RNF38: variants seen among roughly 807,000 people sequenced by gnomAD.
RNF38 encodes E3 ubiquitin-protein ligase RNF38.
RNF38 carries 15 observed loss-of-function variants against 67.2 expected under a neutral mutation model. That is an observed-to-expected ratio of 0.22 (90% confidence interval 0.15 to 0.34). The LOEUF (loss-of-function observed/expected upper bound fraction) is 0.34, where lower values mean the gene tolerates loss of function less well. Ranked by LOEUF, RNF38 falls within the 10% of genes least tolerant of loss-of-function variation. The pLI, the probability that RNF38 is intolerant of heterozygous loss-of-function variation, is 1.00. For missense variants in RNF38, 524 were observed against 639.9 expected, an observed-to-expected ratio of 0.82 and a Z score of 1.95; for synonymous variants, 220 against 218.8, an observed-to-expected ratio of 1.01 and a Z score of -0.05.
At chr9:36,401,405 A>G (rs1312877273), upstream of RNF38, among the ~76,000 whole-genome samples, 1 of 152,080 alleles carries the variant, frequency 6.6e-6, no homozygotes, top group African/African-American at 2.4e-5. Flanking sequence ...CTACCTACAA[A>G]ACTCCGCAAT....
chr9:36,377,669 C>G (rs1273607192), intron 2 of RNF38, among the ~76,000 whole-genome samples: 1 of 152,102 alleles, frequency 6.6e-6, no homozygotes, highest in African/African-American at 2.4e-5. Flanking sequence ...GAGACCACTC[C>G]CCCATACCAA....
intron 11 of RNF38, among the ~76,000 whole-genome samples, chr9:36,340,038 G>A (rs1301063732): frequency 6.6e-6 from 1 of 151,940 alleles, no homozygotes; most frequent in African/African-American, 2.4e-5. Flanking sequence ...GGAGTGCAAT[G>A]GCACGATCTC....
intron 1 of RNF38, among the ~76,000 whole-genome samples, chr9:36,429,091 T>C (rs1389872572): frequency 1.3e-5 from 2 of 152,216 alleles, no homozygotes; most frequent in Non-Finnish European, 2.9e-5. Flanking sequence ...TTTAACCAAT[T>C]CTATAAAGAT....
At chr9:36,383,926 C>T (rs1013670374) in intron 2 of RNF38, among the ~76,000 whole-genome samples, 2 of 151,752 alleles carry the variant, frequency 1.3e-5, no homozygotes, top group Non-Finnish European at 2.9e-5. Flanking sequence ...TAGTAAAATA[C>T]GGTATTTTCC....
chr9:36,402,712 C>T (rs1193269980), upstream of RNF38, among the ~76,000 whole-genome samples: 1 of 152,178 alleles, frequency 6.6e-6, no homozygotes, highest in Non-Finnish European at 1.5e-5. Flanking sequence ...TCCAGCATTC[C>T]TCACCTCTAA....
intron 4 of RNF38, among the ~76,000 whole-genome samples, chr9:36,360,128 T>TC (rs1287805034): frequency 6.6e-6 from 1 of 150,738 alleles, no homozygotes; most frequent in Non-Finnish European, 1.5e-5. Flanking sequence ...AATTAAGTCT[T>TC]CCTTCAACCC....
intron 1 of RNF38, among the ~76,000 whole-genome samples, chr9:36,476,371 C>T (rs1840120698): frequency 6.6e-6 from 1 of 152,096 alleles, no homozygotes; most frequent in Admixed American, 6.6e-5. Context: ...CTCAGCCTCC[C>T]AAAGTGCTAG....
chr9:36,419,218 A>G (rs1838556518), intron 2 of RNF38, among the ~76,000 whole-genome samples: 1 of 152,180 alleles, frequency 6.6e-6, no homozygotes, highest in Non-Finnish European at 1.5e-5. Context: ...CCAAAATCCC[A>G]AACACTTCTG....
intron 9 of RNF38, among the ~76,000 whole-genome samples, chr9:36,349,075 C>G (rs1833512663): frequency 6.6e-6 from 1 of 152,142 alleles, no homozygotes; most frequent in African/African-American, 2.4e-5. Context: ...AATAATAAAG[C>G]CTGGATGACA....
intron 2 of RNF38, among the ~76,000 whole-genome samples, chr9:36,388,156 A>G (rs1241838642): frequency 6.6e-6 from 1 of 152,158 alleles, no homozygotes; most frequent in East Asian, 1.9e-4. Context: ...CTGAAGAGAG[A>G]TGTACGTGAG....
At chr9:36,464,392 C>T (rs1839812011) in intron 1 of RNF38, among the ~76,000 whole-genome samples, 1 of 152,006 alleles carries the variant, frequency 6.6e-6, no homozygotes, top group African/African-American at 2.4e-5. Flanking sequence ...TATGGTGAAA[C>T]TCTGTCACTA....
At chr9:36,467,233 A>T (rs1396127873) in intron 1 of RNF38, among the ~76,000 whole-genome samples, 1 of 67,896 alleles carries the variant, frequency 1.5e-5, no homozygotes, top group Non-Finnish European at 2.8e-5. Flanking sequence ...TATATATATA[A>T]TATATATATA....
At chr9:36,412,682 G>A (rs1169859239) in intron 2 of RNF38, among the ~76,000 whole-genome samples, 3 of 152,224 alleles carry the variant, frequency 2.0e-5, no homozygotes, top group Admixed American at 2.0e-4. Context: ...GCTCACGCCT[G>A]TAATCCCAGC....
intron 9 of RNF38, among the ~76,000 whole-genome samples, chr9:36,349,708 C>T (rs1477254236): frequency 6.6e-6 from 1 of 152,104 alleles, no homozygotes; most frequent in Non-Finnish European, 1.5e-5. Context: ...TGGCCAATAT[C>T]GAGGAGCTTT....
intron 1 of RNF38, among the ~76,000 whole-genome samples, chr9:36,435,341 T>C (rs1286643104): frequency 1.3e-5 from 2 of 152,182 alleles, no homozygotes; most frequent in Admixed American, 6.5e-5. Flanking sequence ...TTAAAGATAC[T>C]TGAGGTTGCC....
intron 1 of RNF38, among the ~76,000 whole-genome samples, chr9:36,443,350 T>A (rs796495903): frequency 6.6e-6 from 1 of 152,036 alleles, no homozygotes; most frequent in Non-Finnish European, 1.5e-5. Flanking sequence ...AAAGGGGTTA[T>A]AGGGAAAAAT....
intron 1 of RNF38, among the ~76,000 whole-genome samples, chr9:36,428,366 T>C (rs1156697073): frequency 6.7e-6 from 1 of 150,102 alleles, no homozygotes; most frequent in Non-Finnish European, 1.5e-5. Context: ...TGGGATGAGA[T>C]CACGCCACTG....
At chr9:36,403,532 A>G (rs905435872), upstream of RNF38, among the ~76,000 whole-genome samples, 10 of 152,230 alleles carry the variant, frequency 6.6e-5, no homozygotes, top group Non-Finnish European at 1.5e-4. Context: ...CTCCCTTTAA[A>G]AAACTGGTTT....
intron 1 of RNF38, among the ~76,000 whole-genome samples, chr9:36,450,590 C>CTT (rs1183053838): frequency 2.0e-5 from 3 of 152,114 alleles, no homozygotes; most frequent in Non-Finnish European, 4.4e-5. Context: ...TATTTCCTAA[C>CTT]TTAATCATCA....
Sources: allele counts gnomAD v4.1 joint callset (sites outside exome capture counted in the v4.1 genomes callset), GRCh38; gene constraint gnomAD v4.1.1; transcripts MANE v1.5; gene names NCBI Gene and HGNC (gene_info 2026-07-23, HGNC 2026-07-21).